Variants in MAGI2 observed in about 807,000 individuals in gnomAD.
MAGI2 encodes membrane associated guanylate kinase, WW and PDZ domain containing 2.
MAGI2 carries 35 observed loss-of-function variants against 133.3 expected under a neutral mutation model. That is an observed-to-expected ratio of 0.26 (90% CI 0.20 to 0.35). MAGI2 has a LOEUF of 0.35. Among genes scored for constraint, MAGI2 ranks in the 10% least tolerant of loss-of-function variants. MAGI2 has a pLI of 1.00. For missense variants in MAGI2, 1,636 were observed against 1,863.4 expected (o/e 0.88, Z 2.25); for synonymous variants, 729 against 710.6 (o/e 1.03, Z -0.41).
chr7:78,726,243 T>C (rs552190452), intron 2 of MAGI2, among the ~76,000 whole-genome samples: 1 of 152,334 alleles, frequency 6.6e-6, no homozygotes, highest in African/African-American at 2.4e-5. Flanking sequence ...AGTACTATGT[T>C]TTCTGTTGCC....
At chr7:78,116,390 C>A (rs1819875544) in intron 20 of MAGI2, among the ~76,000 whole-genome samples, 1 of 149,316 alleles carries the variant, frequency 6.7e-6, no homozygotes, top group Non-Finnish European at 1.5e-5. Context: ...CAGAGTAAAC[C>A]CAGAAAGAAT....
intron 2 of MAGI2, among the ~76,000 whole-genome samples, chr7:79,003,228 G>A (rs1435436733): frequency 6.6e-6 from 1 of 152,074 alleles, no homozygotes; most frequent in Non-Finnish European, 1.5e-5. Flanking sequence ...TGGAGCCCTA[G>A]CTCTAGAACT....
At chr7:78,445,043 A>G (rs1787996335) in intron 6 of MAGI2, among the ~76,000 whole-genome samples, 1 of 151,768 alleles carries the variant, frequency 6.6e-6, no homozygotes, top group Non-Finnish European at 1.5e-5. Context: ...AGGGGGCAAG[A>G]AGATCTCCTT....
intron 16 of MAGI2, among the ~76,000 whole-genome samples, chr7:78,157,188 T>C (rs1425964370): frequency 6.6e-6 from 1 of 152,238 alleles, no homozygotes; most frequent in African/African-American, 2.4e-5. Flanking sequence ...GTGCCATCAG[T>C]GAGTAAGCTG....
At chr7:78,204,854 A>T (rs1042006464) in intron 10 of MAGI2, among the ~76,000 whole-genome samples, 5 of 152,242 alleles carry the variant, frequency 3.3e-5, no homozygotes, top group Non-Finnish European at 5.9e-5. Context: ...TAATATAGAA[A>T]CTAGATGCAT....
chr7:79,220,313 G>A (rs949040022), intron 1 of MAGI2, among the ~76,000 whole-genome samples: 17 of 151,866 alleles, frequency 1.1e-4, no homozygotes, highest in Admixed American at 3.9e-4. Flanking sequence ...ACTACCTCAC[G>A]GACAGCCTTA....
intron 21 of MAGI2, among the ~76,000 whole-genome samples, chr7:78,064,297 T>C (rs1239145308): frequency 1.3e-5 from 2 of 151,680 alleles, no homozygotes; most frequent in African/African-American, 4.8e-5. Context: ...TTTGTTTTTG[T>C]AGATAGCTTC....
intron 21 of MAGI2, among the ~76,000 whole-genome samples, chr7:78,067,713 T>C (rs1813987359): frequency 6.6e-6 from 1 of 152,226 alleles, no homozygotes; most frequent in South Asian, 2.1e-4. Context: ...GAGCATACAA[T>C]TAAAGCCTGG....
chr7:78,711,840 T>C (rs1035001149), intron 2 of MAGI2, among the ~76,000 whole-genome samples: 6 of 152,208 alleles, frequency 3.9e-5, no homozygotes, highest in African/African-American at 1.4e-4. Flanking sequence ...TGGAGAGCAG[T>C]GGTGTGTATA....
At chr7:79,359,929 G>A (rs1842277724) in intron 1 of MAGI2, among the ~76,000 whole-genome samples, 1 of 152,128 alleles carries the variant, frequency 6.6e-6, no homozygotes, top group African/African-American at 2.4e-5. Flanking sequence ...CTTTGAGGCT[G>A]AAGCAAATCT....
chr7:78,184,542 C>T (rs1276118175), intron 13 of MAGI2: 1 of 152,046 alleles, frequency 6.6e-6, no homozygotes, highest in Non-Finnish European at 1.5e-5. Flanking sequence ...GAGCCCACAG[C>T]CCTGAAATAG....
chr7:78,456,584 A>G (rs531608463), intron 6 of MAGI2, among the ~76,000 whole-genome samples: 128 of 152,292 alleles, frequency 8.4e-4, no homozygotes, highest in Non-Finnish European at 1.6e-3. Context: ...TTTGTTGAAC[A>G]CCTGCTATGT....
chr7:78,416,983 T>C (rs994568816), intron 6 of MAGI2, among the ~76,000 whole-genome samples: 1 of 152,154 alleles, frequency 6.6e-6, no homozygotes, highest in East Asian at 1.9e-4. Context: ...AATTTTGTTA[T>C]AATAGCATGA....
rs577722080 is a variant in MAGI2, at chr7:79,173,528, C to G, written c.302-166322G>C. 3.9e-5 allele frequency among the ~76,000 whole-genome samples: 6 copies of G among 152,086 alleles called. No individual in the cohort carries two copies. In the South Asian group the frequency reaches 1.0e-3, roughly 26 times the overall value. ...TTTAATTTTTGCAGAGATGGGGTCT[C>G]ACTTTGTTTCCCAGACTGGTCTTGA... On this transcript the variant is annotated intron_variant, in intron 1 of 21. Transcript: ENST00000354212.
chr7:79,274,223 C>T (rs1259077550), intron 1 of MAGI2, among the ~76,000 whole-genome samples: 1 of 151,990 alleles, frequency 6.6e-6, no homozygotes, highest in Non-Finnish European at 1.5e-5. Context: ...ACTGAGCATC[C>T]ACTATTTTAT....
intron 1 of MAGI2, among the ~76,000 whole-genome samples, chr7:79,168,907 T>G (rs956170332): frequency 1.9e-3 from 19 of 10,222 alleles, no homozygotes; most frequent in African/African-American, 2.4e-3. Context: ...TATATATATA[T>G]ATATATATAT....
intron 1 of MAGI2, among the ~76,000 whole-genome samples, chr7:79,180,868 CA>C (rs1826553185): frequency 6.6e-6 from 1 of 151,818 alleles, no homozygotes; most frequent in Non-Finnish European, 1.5e-5. Flanking sequence ...AGAAATTGAT[CA>C]AAACAAAAGG....
intron 3 of MAGI2, among the ~76,000 whole-genome samples, chr7:78,557,974 T>G (rs1311028604): frequency 4.7e-5 from 3 of 64,176 alleles, no homozygotes; most frequent in Non-Finnish European, 6.7e-5. Flanking sequence ...TTATTGGAAC[T>G]CTTTTTTTTT....
At chr7:78,188,847 T>G (rs1271953377) in intron 12 of MAGI2, among the ~76,000 whole-genome samples, 1 of 152,180 alleles carries the variant, frequency 6.6e-6, no homozygotes, top group Non-Finnish European at 1.5e-5. Context: ...GGGTATTTAA[T>G]TACGTGGGAA....
Sources: gnomAD v4.1 joint callset for allele counts (sites outside exome capture counted in the v4.1 genomes callset) on GRCh38, gnomAD v4.1.1 for gene constraint, MANE v1.5 for transcripts, NCBI Gene and HGNC (gene_info 2026-07-23, HGNC 2026-07-21) for gene names.